PDE4D: variants seen among roughly 807,000 people sequenced by gnomAD.
The protein encoded by PDE4D is phosphodiesterase 4D.
PDE4D carries 24 observed loss-of-function variants against 87.4 expected under a neutral mutation model. The observed-to-expected ratio is 0.27, with a 90% confidence interval of 0.20 to 0.39. The LOEUF is 0.39. Ranked by LOEUF, PDE4D falls within the 10% of genes least tolerant of loss-of-function variation. The pLI is 1.00. For synonymous variants in PDE4D, 384 were observed against 383.2 expected, an observed-to-expected ratio of 1.00 and a Z score of -0.02; for missense variants, 714 against 1,041.0, an observed-to-expected ratio of 0.69 and a Z score of 4.32.
rs377367760 is a variant in PDE4D, at chr5:60,149,148, C to A, written c.42+36409G>T. Among the ~76,000 whole-genome samples the A allele has an allele frequency of 5.9e-5, 9 of 152,262 alleles. No homozygotes were observed. In the South Asian group the frequency reaches 1.9e-3, roughly 32 times the overall value. On this transcript the variant is annotated intron_variant, in intron 2 of 16. Coordinates refer to the PDE4D transcript ENST00000502484. ...TCAGGTTTTCATTTTGAAATCCAGA[C>A]GTTAAACCACTGTCTTAGTCCACTT...
intron 1 of PDE4D, among the ~76,000 whole-genome samples, chr5:59,836,528 G>T (rs1318762622): frequency 6.6e-6 from 1 of 151,932 alleles, no homozygotes; most frequent in Non-Finnish European, 1.5e-5. Context: ...AACAGGGATT[G>T]GATTGAAGGC....
intron 1 of PDE4D, among the ~76,000 whole-genome samples, chr5:60,427,439 G>A (rs904905574): frequency 3.3e-5 from 5 of 152,088 alleles, no homozygotes; most frequent in South Asian, 2.1e-4. Context: ...AAACAAAGCT[G>A]TTAACTCAGA....
chr5:59,367,569 A>G (rs935290111), intron 1 of PDE4D, among the ~76,000 whole-genome samples: 2 of 152,218 alleles, frequency 1.3e-5, no homozygotes, highest in African/African-American at 4.8e-5. Flanking sequence ...CTTTTGAATC[A>G]TATTAAATTA....
At chr5:60,498,741 G>T (rs1749934943) in intron 1 of PDE4D, among the ~76,000 whole-genome samples, 1 of 151,678 alleles carries the variant, frequency 6.6e-6, no homozygotes, top group South Asian at 2.1e-4. Flanking sequence ...TTTTAATCTT[G>T]TCTGTTCAAA....
chr5:60,242,130 A>C (rs954814837), intron 1 of PDE4D, among the ~76,000 whole-genome samples: 2 of 152,140 alleles, frequency 1.3e-5, no homozygotes, highest in Non-Finnish European at 2.9e-5. Flanking sequence ...TGAAACTAAA[A>C]GGGTGGAAAA....
At chr5:59,249,125 TAA>T (rs920304047) in intron 1 of PDE4D, among the ~76,000 whole-genome samples, 17 of 151,966 alleles carry the variant, frequency 1.1e-4, no homozygotes, top group Admixed American at 1.1e-3. Context: ...TTGCAAAAAG[TAA>T]AAAACTATGC....
At chr5:60,497,920 A>G (rs1162527716) in intron 1 of PDE4D, among the ~76,000 whole-genome samples, 1 of 152,208 alleles carries the variant, frequency 6.6e-6, no homozygotes, top group Non-Finnish European at 1.5e-5. Context: ...GTCAAGTTCC[A>G]TAACATATGT....
chr5:59,159,124 A>AGCAAAGTCC (rs138224570), intron 5 of PDE4D, among the ~76,000 whole-genome samples: 1 of 151,862 alleles, frequency 6.6e-6, no homozygotes, highest in African/African-American at 2.4e-5. Context: ...CCTCCTCTGA[A>AGCAAAGTCC]TTCTTACGAT....
At chr5:60,307,617 C>T (rs886884805) in intron 1 of PDE4D, among the ~76,000 whole-genome samples, 3 of 151,972 alleles carry the variant, frequency 2.0e-5, no homozygotes, top group Admixed American at 2.0e-4. Context: ...GTGAAATTGC[C>T]TCAACTCTGT....
intron 1 of PDE4D, among the ~76,000 whole-genome samples, chr5:59,370,125 T>C (rs896292657): frequency 2.6e-5 from 4 of 152,202 alleles, no homozygotes; most frequent in Non-Finnish European, 4.4e-5. Flanking sequence ...AAGTCACTAC[T>C]GTCTCCTTCC....
chr5:58,991,659 CCTGT>C (rs1253933071), intron 8 of PDE4D, among the ~76,000 whole-genome samples, 169 bp downstream of exon 8: 6 of 151,890 alleles, frequency 4.0e-5, no homozygotes, highest in South Asian at 2.1e-4. Context: ...TACCAAACCA[CCTGT>C]CTAAGGCACT....
At chr5:59,033,520 T>C (rs1040112641) in intron 6 of PDE4D, among the ~76,000 whole-genome samples, 5 of 152,214 alleles carry the variant, frequency 3.3e-5, no homozygotes, top group African/African-American at 4.8e-5. Context: ...ACCCTACATA[T>C]TTTGTGAATC....
At chr5:60,227,215 G>A (rs1745219476) in intron 1 of PDE4D, among the ~76,000 whole-genome samples, 1 of 152,066 alleles carries the variant, frequency 6.6e-6, no homozygotes, top group Admixed American at 6.6e-5. Flanking sequence ...ATCACAGTAA[G>A]CCATTAGTTA....
chr5:60,353,022 A>T, intron 1 of PDE4D, among the ~76,000 whole-genome samples: 1 of 152,198 alleles, frequency 6.6e-6, no homozygotes. Flanking sequence ...GAAGAAAAAC[A>T]TTTAAGACAT....
chr5:59,636,208 ACCACTG>A (rs1368189658), intron 1 of PDE4D, among the ~76,000 whole-genome samples: 1 of 152,194 alleles, frequency 6.6e-6, no homozygotes, highest in African/African-American at 2.4e-5. Context: ...TGAACTACAA[ACCACTG>A]CCCAAGGAAA....
chr5:59,499,621 A>T (rs558064643), intron 1 of PDE4D, among the ~76,000 whole-genome samples: 3 of 152,118 alleles, frequency 2.0e-5, no homozygotes, highest in Admixed American at 2.0e-4. Context: ...AACATAAAAG[A>T]TCCTCAGAGA....
intron 1 of PDE4D, among the ~76,000 whole-genome samples, chr5:59,687,301 G>A (rs1354009661): frequency 2.6e-5 from 4 of 152,064 alleles, no homozygotes; most frequent in Admixed American, 2.0e-4. Flanking sequence ...TTGAAATGAA[G>A]GAAAAAATGT....
At chr5:59,435,593 C>T (rs936642550) in intron 1 of PDE4D, among the ~76,000 whole-genome samples, 1 of 152,168 alleles carries the variant, frequency 6.6e-6, no homozygotes, top group Non-Finnish European at 1.5e-5. Flanking sequence ...CATGACTTTA[C>T]CACACTGTTT....
At chr5:59,909,555 T>C (rs924866640) in intron 3 of PDE4D, among the ~76,000 whole-genome samples, 1 of 152,044 alleles carries the variant, frequency 6.6e-6, no homozygotes, top group African/African-American at 2.4e-5. Flanking sequence ...CCACCACTTT[T>C]GTATTTTTTT....
Sources: gnomAD v4.1 joint callset for allele counts (sites outside exome capture counted in the v4.1 genomes callset) on GRCh38, gnomAD v4.1.1 for gene constraint, MANE v1.5 for transcripts, NCBI Gene and HGNC (gene_info 2026-07-23, HGNC 2026-07-21) for gene names.